TARS1: variants seen among roughly 807,000 people sequenced by gnomAD.
The protein encoded by TARS1 is threonyl-tRNA synthetase 1.
A neutral mutation model predicts 97.7 loss-of-function variants in TARS1; 57 were observed. The ratio of observed to expected loss-of-function variants is 0.58; its 90% CI spans 0.47 to 0.73. The LOEUF (loss-of-function observed/expected upper bound fraction) is 0.73. Among genes scored for constraint, TARS1 ranks in the 30% least tolerant of loss-of-function variants. The pLI is 0.00. For synonymous variants in TARS1, 312 were observed against 293.7 expected, an observed-to-expected ratio of 1.06 and a Z score of -0.64; for missense variants, 806 against 888.3, an observed-to-expected ratio of 0.91 and a Z score of 1.18.
At chr5:33,456,695 C>T (rs1742032995) in intron 8 of TARS1, among the ~76,000 whole-genome samples, 1 of 151,780 alleles carries the variant, frequency 6.6e-6, no homozygotes, top group Admixed American at 6.6e-5. Context: ...TCTATTTTTG[C>T]TCATTTTGTG....
chr5:33,446,348 T>C (rs1243840580), intron 2 of TARS1, among the ~76,000 whole-genome samples: 1 of 152,224 alleles, frequency 6.6e-6, no homozygotes, highest in East Asian at 1.9e-4. Flanking sequence ...AGAAAATTGT[T>C]GATTGTGAAT....
At position 33,461,269 on chromosome 5, in the gene TARS1, A is replaced by G; in HGVS notation, c.1525A>G (p.Ile509Val). Residue 509 changes from isoleucine (I) to valine (V), a missense_variant, in exon 13 of 19, where the codon ATC becomes GTC. Physicochemically the swap from Ile to Val is conservative, Grantham distance 29. This residue lies in a region of TARS1 where 446 missense variants were observed against 511.0 expected (regional missense o/e 0.87). Coordinates refer to ENST00000265112, the MANE Select transcript of TARS1 (RefSeq NM_152295.5). ...STRPEKFLGD[I>V]EVWDQAEKQL... ...TCGCCCGGAAAAATTCCTTGGAGATATCGAAGTATGGGATCAAGCTGAGAA... is the reference window on the plus strand; with the variant it reads ...TCGCCCGGAAAAATTCCTTGGAGATGTCGAAGTATGGGATCAAGCTGAGAA... 1.2e-6 allele frequency: 2 copies of G among 1,613,212 alleles called. No individual in the cohort carries two copies. Among genetic ancestry groups the G allele is most frequent in the Non-Finnish European group, 1.7e-6 (2 of 1,179,816 alleles).
intron 1 of TARS1, chr5:33,441,663 A>C (rs915813104): frequency 6.5e-6 from 1 of 153,778 alleles, no homozygotes; most frequent in Non-Finnish European, 1.4e-5. Context: ...TGGGCGGTGC[A>C]TGTGGGAAGA....
upstream of TARS1, chr5:33,440,957 C>A: frequency 1.9e-6 from 2 of 1,078,730 alleles, no homozygotes; most frequent in East Asian, 2.5e-5. Context: ...GGGGTTAGGG[C>A]GCCTTTCGAT....
chr5:33,447,734 T>C (rs997706597), intron 2 of TARS1, among the ~76,000 whole-genome samples: 1 of 152,234 alleles, frequency 6.6e-6, no homozygotes, highest in African/African-American at 2.4e-5. Flanking sequence ...TAGAAAGTCA[T>C]GGCAAAATTA....
At chr5:33,456,773 T>C (rs1241556045) in intron 8 of TARS1, among the ~76,000 whole-genome samples, 1 of 152,100 alleles carries the variant, frequency 6.6e-6, no homozygotes, top group Non-Finnish European at 1.5e-5. Flanking sequence ...TGGGCAGTTT[T>C]GGGGGTATTG....
intron 17 of TARS1, among the ~76,000 whole-genome samples, chr5:33,464,878 C>G (rs1445732768): frequency 6.6e-6 from 1 of 151,598 alleles, no homozygotes; most frequent in Non-Finnish European, 1.5e-5. Flanking sequence ...GAGATCAAGA[C>G]CATGGTGAAA....
chr5:33,460,878 G>T, intron 11 of TARS1, 24 bp from the exon 12 acceptor site: 2 of 1,612,860 alleles, frequency 1.2e-6, no homozygotes, highest in Non-Finnish European at 1.7e-6. Context: ...TTAAGTGTCC[G>T]TGGACTTTTC....
In TARS1 at chr5:33,467,774, T is replaced by C. The variant is rs527754036; in HGVS notation, c.*66T>C. On this transcript the variant is annotated 3_prime_UTR_variant, in exon 19 of 19. Coordinates refer to ENST00000265112, the MANE Select transcript of TARS1 (RefSeq NM_152295.5). The stretch of plus-strand genomic sequence containing the variant: ...CAGCGTTTCCGTAAAATTGACTTTG[T>C]ACTCTGAAAACGTCAATTTATATTG... 2.0e-6 allele frequency: 3 copies of C among 1,531,192 alleles called. No individual in the cohort carries two copies. Among genetic ancestry groups the C allele is most frequent in the African/African-American group, 2.8e-5 (2 of 71,712 alleles). 94.9% of individuals were successfully genotyped at this position (1,531,192 alleles called of 1,614,324 possible). A position where few individuals can be genotyped will look rare whatever the true frequency, so the allele number is the denominator to read the frequency against.
intron 3 of TARS1, chr5:33,452,252 G>A (rs1405133304): frequency 2.0e-6 from 2 of 1,020,232 alleles, no homozygotes; most frequent in Non-Finnish European, 2.9e-6. Context: ...GCCTACCTTC[G>A]TTGAGATGTC....
chr5:33,448,769 G>T, intron 3 of TARS1, 38 bp downstream of exon 3: 5 of 1,441,956 alleles, frequency 3.5e-6, no homozygotes, highest in East Asian at 2.5e-5. Context: ...CATAGTTTGT[G>T]GTCTAACTAA....
intron 3 of TARS1, chr5:33,452,502 G>GA: frequency 7.9e-7 from 1 of 1,259,026 alleles, no homozygotes; most frequent in East Asian, 2.5e-5. Context: ...TCCCTCCTCA[G>GA]AACTCCTGTA....
chr5:33,447,754 C>G (rs1417379116), intron 2 of TARS1, among the ~76,000 whole-genome samples: 1 of 152,210 alleles, frequency 6.6e-6, no homozygotes, highest in East Asian at 1.9e-4. Context: ...AAGCAATCTC[C>G]TCTTCACTTT....
At position 33,456,062 on chromosome 5, in the gene TARS1, T is replaced by A. The variant is rs753591883; in HGVS notation, c.754T>A (p.Tyr252Asn). The A allele has an allele frequency of 1.1e-5, 17 of 1,613,634 alleles. No individual in the cohort carries two copies. The highest frequency in any genetic ancestry group is 1.4e-5 in the Non-Finnish European group (17 of 1,179,700). Residue 252 changes from tyrosine to asparagine, a missense_variant, in exon 7 of 19, where the codon TAT becomes AAT. Physicochemically the swap from Tyr to Asn is moderately radical, Grantham distance 143. Around this residue, in one of 3 missense-constraint regions of TARS1, gnomAD observed 356 missense variants for 357.8 expected, o/e 0.99. Transcript: ENST00000265112. ...EKVNTPTTTV[Y>N]RCGPLIDLCR... The stretch of plus-strand genomic sequence containing the variant: ...GGTGAATACTCCAACTACCACAGTC[T>A]ATAGGTAAGAATATTAGATGTCATT...
At chr5:33,464,736 C>T (rs1742452581) in intron 17 of TARS1, among the ~76,000 whole-genome samples, 1 of 151,336 alleles carries the variant, frequency 6.6e-6, no homozygotes, top group Admixed American at 6.6e-5. Flanking sequence ...TGTGAGTAGC[C>T]ACTGCATTCC....
chr5:33,467,751 G>A lies in TARS1; in HGVS notation c.*43G>A. 1 of 1,577,878 alleles carries A rather than the reference G, an allele frequency of 6.3e-7. No homozygotes were observed. The highest frequency in any genetic ancestry group is 8.6e-7 in the Non-Finnish European group (1 of 1,164,790). ...TTGGCTCCATGGAAAAGGAGGAACA[G>A]CGTTTCCGTAAAATTGACTTTGTAC... On this transcript the variant is annotated 3_prime_UTR_variant, in exon 19 of 19. Coordinates refer to ENST00000265112, the MANE Select transcript of TARS1 (RefSeq NM_152295.5).
chr5:33,462,120 A>G lies in TARS1; in HGVS notation c.1752A>G (p.Lys584=). ...ATAGCCATGATGGTGATGATAAGAA[A>G]AGGCCAGTGATTGTTCATCGAGCCA... ...TYVSHDGDDK[K]RPVIVHRAIL... is the part of the protein sequence containing the mutation. The change falls in exon 16 of 19, where the codon AAA becomes AAG. Residue 584 remains lysine (K), a synonymous_variant. Transcript: ENST00000265112. The G allele has an allele frequency of 6.2e-7, 1 of 1,612,654 alleles. No homozygotes were observed. Among genetic ancestry groups the G allele is most frequent in the Non-Finnish European group, 8.5e-7 (1 of 1,179,638 alleles).
chr5:33,443,972 A>G (rs771902131), intron 1 of TARS1, among the ~76,000 whole-genome samples: 1 of 152,036 alleles, frequency 6.6e-6, no homozygotes, highest in African/African-American at 2.4e-5. Flanking sequence ...TTTTTTTTTA[A>G]TTATACAAGT....
intron 2 of TARS1, among the ~76,000 whole-genome samples, chr5:33,446,403 T>G (rs935112617): frequency 5.3e-5 from 8 of 152,260 alleles, no homozygotes; most frequent in Non-Finnish European, 8.8e-5. Context: ...GTTCCCTAAT[T>G]TCTTTTTTAT....
Sources: gnomAD v4.1 joint callset for allele counts (sites outside exome capture counted in the v4.1 genomes callset) on GRCh38, gnomAD v4.1.1 for gene constraint, gnomAD v4.1.1 regional missense constraint, MANE v1.5 for transcripts, NCBI Gene and HGNC (gene_info 2026-07-23, HGNC 2026-07-21) for gene names.